Variants in VWC2L observed in about 807,000 individuals in gnomAD.
VWC2L encodes the protein von Willebrand factor C domain containing 2 like, also known as von Willebrand factor C domain-containing protein 2-like.
Under a neutral mutation model 21.6 loss-of-function variants are expected in VWC2L, and 10 were observed. The observed-to-expected ratio is 0.46, with a 90% CI of 0.29 to 0.78. The LOEUF (loss-of-function observed/expected upper bound fraction) is 0.78, where lower values mean the gene tolerates loss of function less well. VWC2L is among the 30% of genes least tolerant of loss of function. The pLI is 0.10. For synonymous variants in VWC2L, 96 were observed against 94.3 expected (o/e 1.02, Z -0.10); for missense variants, 209 against 277.1 (o/e 0.75, Z 1.74).
chr2:214,483,319 C>A (rs559533701), intron 3 of VWC2L, among the ~76,000 whole-genome samples: 1 of 151,470 alleles, frequency 6.6e-6, no homozygotes, highest in African/African-American at 2.4e-5. Flanking sequence ...AGCCATAATA[C>A]AATAATCTGA....
chr2:214,565,527 C>A (rs1422600986), intron 3 of VWC2L, among the ~76,000 whole-genome samples: 1 of 152,204 alleles, frequency 6.6e-6, no homozygotes, highest in Non-Finnish European at 1.5e-5. Context: ...CTGCTTCTTG[C>A]AGACAGAAAA....
At chr2:214,545,680 C>A (rs1689694968) in intron 3 of VWC2L, among the ~76,000 whole-genome samples, 1 of 152,144 alleles carries the variant, frequency 6.6e-6, no homozygotes, top group African/African-American at 2.4e-5. Context: ...GAGTATTTGT[C>A]AATTTCAACC....
chr2:214,424,472 A>G (rs1702492743), intron 2 of VWC2L, among the ~76,000 whole-genome samples: 1 of 152,146 alleles, frequency 6.6e-6, no homozygotes, highest in African/African-American at 2.4e-5. Context: ...TTACCAGCCA[A>G]CTGACCTAGG....
At chr2:214,552,534 A>G (rs1250469297) in intron 3 of VWC2L, among the ~76,000 whole-genome samples, 1 of 152,194 alleles carries the variant, frequency 6.6e-6, no homozygotes, top group Admixed American at 6.5e-5. Context: ...ACATTCTAGT[A>G]GTATTGGACA....
chr2:214,525,284 C>A (rs1414322654), intron 3 of VWC2L: 1 of 152,076 alleles, frequency 6.6e-6, no homozygotes, highest in African/African-American at 2.4e-5. Context: ...CAGGAGAAGA[C>A]AGGAAGTACA....
At chr2:214,464,353 G>A (rs928507578) in intron 3 of VWC2L, among the ~76,000 whole-genome samples, 4 of 152,122 alleles carry the variant, frequency 2.6e-5, no homozygotes, top group Non-Finnish European at 5.9e-5. Flanking sequence ...ATTTGCATTA[G>A]AGGGTACCCC....
chr2:214,519,527 A>G (rs4673851), intron 3 of VWC2L, among the ~76,000 whole-genome samples: 82,054 of 152,074 alleles, frequency 0.54, 22,475 homozygotes, highest in East Asian at 0.74. Flanking sequence ...GAAAACCAAG[A>G]GCCTAATTAG....
At chr2:214,499,530 C>T (rs1317694609) in intron 3 of VWC2L, among the ~76,000 whole-genome samples, 1 of 151,108 alleles carries the variant, frequency 6.6e-6, no homozygotes, top group African/African-American at 2.4e-5. Context: ...GGAGGGATAG[C>T]ATTAGGAGAT....
intron 3 of VWC2L, among the ~76,000 whole-genome samples, chr2:214,444,339 A>C (rs1702806521): frequency 6.6e-6 from 1 of 152,068 alleles, no homozygotes; most frequent in Non-Finnish European, 1.5e-5. Flanking sequence ...AAAATGGGCC[A>C]AAAACTTCAA....
At chr2:214,540,460 C>T (rs566457654) in intron 3 of VWC2L, among the ~76,000 whole-genome samples, 2 of 152,260 alleles carry the variant, frequency 1.3e-5, no homozygotes, top group African/African-American at 4.8e-5. Context: ...TGCAATGCTG[C>T]TTGAAAACAA....
At chr2:214,574,835 C>A (rs1434572009) in intron 3 of VWC2L, among the ~76,000 whole-genome samples, 1 of 150,872 alleles carries the variant, frequency 6.6e-6, no homozygotes, top group African/African-American at 2.4e-5. Flanking sequence ...TTGGGAAGGT[C>A]AAAAAATGCA....
chr2:214,519,424 G>A (rs567659329), intron 3 of VWC2L, among the ~76,000 whole-genome samples: 2 of 152,288 alleles, frequency 1.3e-5, no homozygotes, highest in Non-Finnish European at 2.9e-5. Flanking sequence ...AACGTAAATT[G>A]CAAAGACAAT....
intron 3 of VWC2L, among the ~76,000 whole-genome samples, chr2:214,515,157 A>C (rs1338148241): frequency 1.3e-5 from 2 of 152,204 alleles, no homozygotes; most frequent in African/African-American, 4.8e-5. Flanking sequence ...TGTCCTCGGA[A>C]TGAGAAGGAA....
rs370163567 is a variant in VWC2L at position 214,479,179 on chromosome 2, T to A, written c.520+42421T>A. Among the ~76,000 whole-genome samples the A allele has an allele frequency of 8.5e-5, 13 of 152,332 alleles. No individual in the cohort carries two copies. In the East Asian group the frequency reaches 1.9e-3, roughly 23 times the overall value. On this transcript the variant is annotated intron_variant, in intron 3 of 3. Coordinates refer to ENST00000312504, the MANE Select transcript of VWC2L (RefSeq NM_001080500.4). The stretch of plus-strand genomic sequence containing the variant: ...CCACATGGGTGAGATCATCTCAAAC[T>A]AATTTTGTTACCATGATATCATGTC...
At chr2:214,555,435 T>C (rs1486737449) in intron 3 of VWC2L, among the ~76,000 whole-genome samples, 1 of 152,230 alleles carries the variant, frequency 6.6e-6, no homozygotes, top group African/African-American at 2.4e-5. Context: ...TAGAGTTTGA[T>C]TCTTTTTCAT....
At chr2:214,540,705 T>G (rs1296663808) in intron 3 of VWC2L, among the ~76,000 whole-genome samples, 2 of 152,212 alleles carry the variant, frequency 1.3e-5, no homozygotes, top group Admixed American at 1.3e-4. Flanking sequence ...AATTAATTTG[T>G]TCTCTGAGAA....
chr2:214,441,997 C>T lies in VWC2L; in HGVS notation c.520+5239C>T, dbSNP rs534925496. Among the ~76,000 whole-genome samples the T allele has an allele frequency of 1.5e-4, 22 of 151,610 alleles. No homozygotes were observed. The South Asian group carries it at 2.7e-3, about 19-fold the overall frequency. ...CACAATCTCAGCTCACTGCAACCTC[C>T]GCATCCTGGGTTCAAGTGATTGTCC... is the stretch of plus-strand genomic sequence containing the variant. On this transcript the variant is annotated intron_variant, in intron 3 of 3. Transcript: ENST00000312504.
chr2:214,480,034 A>G (rs1688580726), intron 3 of VWC2L, among the ~76,000 whole-genome samples: 1 of 152,166 alleles, frequency 6.6e-6, no homozygotes, highest in Non-Finnish European at 1.5e-5. Context: ...ACTTACACAG[A>G]ATTTACGTTG....
chr2:214,471,962 G>A (rs1703315479), intron 3 of VWC2L, among the ~76,000 whole-genome samples: 1 of 152,172 alleles, frequency 6.6e-6, no homozygotes, highest in African/African-American at 2.4e-5. Context: ...AAGGGACTCA[G>A]ACAATCTGAG....
Sources: allele counts gnomAD v4.1 joint callset (sites outside exome capture counted in the v4.1 genomes callset), GRCh38; gene constraint gnomAD v4.1.1; transcripts MANE v1.5; gene names NCBI Gene and HGNC (gene_info 2026-07-23, HGNC 2026-07-21).